AFF4: variants seen among roughly 807,000 people sequenced by gnomAD.
AFF4 encodes ALF transcription elongation factor 4, also known as AF4/FMR2 family member 4.
Under a neutral mutation model 124.8 loss-of-function variants are expected in AFF4, and 13 were observed. That is an observed-to-expected ratio of 0.10 (90% CI 0.07 to 0.17). AFF4 has a LOEUF of 0.17. Ranked by LOEUF, AFF4 falls within the 10% of genes least tolerant of loss-of-function variation. The pLI, the probability that AFF4 is intolerant of heterozygous loss-of-function variation, is 1.00. For missense variants in AFF4, 1,092 were observed against 1,403.8 expected, an observed-to-expected ratio of 0.78 and a Z score of 3.55; for synonymous variants, 477 against 496.1, an observed-to-expected ratio of 0.96 and a Z score of 0.51.
In AFF4 at chr5:132,963,438, T is replaced by TCCG; in HGVS notation, c.-185_-184insCGG. 2 of 397,878 alleles carry TCCG rather than the reference T, an allele frequency of 5.0e-6. No homozygotes were observed. Among genetic ancestry groups the TCCG allele is most frequent in the African/African-American group, 4.1e-5 (2 of 48,518 alleles). 24.6% of individuals were successfully genotyped at this position (397,878 alleles called of 1,614,324 possible). A position where few individuals can be genotyped will look rare whatever the true frequency, so the allele number is the denominator to read the frequency against. ...GAGGCCTCGACAAACGAAGGCGGCGTCGGCGGCGGCGGCAGCGATGCGCCT... is the reference window on the plus strand; with the variant it reads ...GAGGCCTCGACAAACGAAGGCGGCGTCCGCGGCGGCGGCGGCAGCGATGCGCCT... On this transcript the variant is annotated 5_prime_UTR_variant, in exon 1 of 21. Transcript: ENST00000265343.
At chr5:132,926,138 G>A (rs188835826) in intron 5 of AFF4, 29 of 343,620 alleles carry the variant, frequency 8.4e-5, no homozygotes, top group African/African-American at 1.5e-4. Flanking sequence ...ATATATTTGC[G>A]TAGAAATAAA....
At chr5:132,947,094 G>A (rs1243871800) in intron 1 of AFF4, among the ~76,000 whole-genome samples, 1 of 152,046 alleles carries the variant, frequency 6.6e-6, no homozygotes, top group Non-Finnish European at 1.5e-5. Context: ...ATGACTTTTT[G>A]CAAGTTTAAT....
chr5:132,896,793 T>C lies in AFF4; in HGVS notation c.1837A>G (p.Ile613Val), dbSNP rs1260249790. The C allele has an allele frequency of 1.2e-6, 2 of 1,614,184 alleles. No individual in the cohort carries two copies. Among genetic ancestry groups the C allele is most frequent in the Middle Eastern group, 1.6e-4 (1 of 6,062 alleles). ...GGGGAAGACTTAGACTCCTTCTTTA[T>C]ATTGGGTTTCCTTGAGCCTTTGGTG... ...AATKGSRKPN[I>V]KKESKSSPRP... Residue 613 changes from isoleucine to valine, a missense_variant, in exon 11 of 21, where the codon ATA (isoleucine) becomes GTA (valine). Around this residue, in one of 11 missense-constraint regions of AFF4, gnomAD observed 174 missense variants for 205.9 expected, o/e 0.84. Coordinates refer to ENST00000265343, the MANE Select transcript of AFF4 (RefSeq NM_014423.4).
At chr5:132,942,056 G>C (rs1761583004) in intron 1 of AFF4, among the ~76,000 whole-genome samples, 1 of 151,738 alleles carries the variant, frequency 6.6e-6, no homozygotes. Flanking sequence ...AATACCAGCT[G>C]GGTGTTCTCT....
At chr5:132,923,186 T>C (rs568509786) in intron 5 of AFF4, among the ~76,000 whole-genome samples, 5 of 150,646 alleles carry the variant, frequency 3.3e-5, no homozygotes, top group Non-Finnish European at 7.4e-5. Flanking sequence ...AAAAAAATAA[T>C]AATAATTTTT....
chr5:132,897,365 T>G, intron 10 of AFF4, 125 bp from the exon 11 acceptor site: 1 of 1,006,134 alleles, frequency 9.9e-7, no homozygotes, highest in Non-Finnish European at 1.5e-6. Context: ...AATGGTTCTC[T>G]ATGAACCAAA....
chr5:132,928,225 A>C (rs945069378), intron 4 of AFF4, among the ~76,000 whole-genome samples: 10 of 152,088 alleles, frequency 6.6e-5, no homozygotes, highest in South Asian at 4.1e-4. Flanking sequence ...TTAAAAAAAA[A>C]CAAAAAAACA....
At position 132,884,448 on chromosome 5, in the gene AFF4, G is replaced by T. The variant is rs1394271735; in HGVS notation, c.3143+628C>A. Among the ~76,000 whole-genome samples, 3 of 152,064 alleles carry T rather than the reference G, an allele frequency of 2.0e-5. No homozygotes were observed. The East Asian group carries it at 5.8e-4, about 29-fold the overall frequency. On this transcript the variant is annotated intron_variant, in intron 19 of 20. Transcript: ENST00000265343. ...GCACAGATGGGGTTTCACCATGTTG[G>T]CCAGGCTGGTCTTGAACTCCTGACC...
At chr5:132,943,266 A>G in intron 1 of AFF4, 1 of 185,548 alleles carries the variant, frequency 5.4e-6, no homozygotes, top group Non-Finnish European at 1.2e-5. Flanking sequence ...ATACAAGGAA[A>G]TGGTTAAGGA....
intron 1 of AFF4, among the ~76,000 whole-genome samples, chr5:132,955,984 TATAA>T (rs1468243433): frequency 5.4e-5 from 8 of 148,870 alleles, no homozygotes; most frequent in Middle Eastern, 7.1e-3. Context: ...ATGTGTAATA[TATAA>T]ATATATAATA....
chr5:132,911,628 A>G (rs1760792328), intron 5 of AFF4, among the ~76,000 whole-genome samples: 3 of 151,908 alleles, frequency 2.0e-5, no homozygotes, highest in South Asian at 4.1e-4. Context: ...CCTAATATAC[A>G]TGTAATTGGA....
intron 1 of AFF4, among the ~76,000 whole-genome samples, chr5:132,962,804 C>CT (rs35471619): frequency 0.028 from 3,589 of 129,650 alleles, 61 homozygotes; most frequent in Non-Finnish European, 0.03. Flanking sequence ...ATTTTTCCTT[C>CT]TTTTTTTTTT....
intron 20 of AFF4, 81 bp downstream of exon 20, chr5:132,883,259 G>T: frequency 7.7e-7 from 1 of 1,291,552 alleles, no homozygotes; most frequent in Non-Finnish European, 1.1e-6. Context: ...ACTAAATACA[G>T]ACTAAACGCT....
At chr5:132,889,283 C>G (rs1281265260) in intron 13 of AFF4, 110 bp from the exon 14 acceptor site, 1 of 670,794 alleles carries the variant, frequency 1.5e-6, no homozygotes. Flanking sequence ...CATTGCCTTT[C>G]ATAATGAATT....
At chr5:132,900,285 G>A (rs1454428813) in intron 7 of AFF4, among the ~76,000 whole-genome samples, 2 of 152,180 alleles carry the variant, frequency 1.3e-5, no homozygotes, top group Non-Finnish European at 1.5e-5. Context: ...GGCTGGGTGC[G>A]GTGGCTCATG....
At chr5:132,956,523 C>A (rs141144862) in intron 1 of AFF4, among the ~76,000 whole-genome samples, 1 of 150,730 alleles carries the variant, frequency 6.6e-6, no homozygotes, top group Non-Finnish European at 1.5e-5. Context: ...CCCAGCTACT[C>A]GGGAGGCTGA....
chr5:132,948,927 T>G (rs894099803), intron 1 of AFF4, among the ~76,000 whole-genome samples: 1 of 152,160 alleles, frequency 6.6e-6, no homozygotes, highest in Admixed American at 6.6e-5. Context: ...ATGAATTATG[T>G]GTGTACTTAA....
At chr5:132,962,269 T>G (rs765332351) in intron 1 of AFF4, among the ~76,000 whole-genome samples, 1 of 152,250 alleles carries the variant, frequency 6.6e-6, no homozygotes, top group Non-Finnish European at 1.5e-5. Flanking sequence ...CATTTTATGT[T>G]ACATTTACAG....
Position 132,937,101 on chromosome 5 carries a change from G to A in AFF4, c.89C>T (p.Pro30Leu), listed in dbSNP as rs745359210. The A allele has an allele frequency of 1.2e-6, 2 of 1,613,784 alleles. No homozygotes were observed. Among genetic ancestry groups the A allele is most frequent in the South Asian group, 1.1e-5 (1 of 91,050 alleles). Reference sequence around the variant, plus strand: ...TGGCTCTGCAAAGAGAGGAGAGCTAGGTGGGAAGGCGTCTTCGCCCTGCTG... The same window carrying A: ...TGGCTCTGCAAAGAGAGGAGAGCTAAGTGGGAAGGCGTCTTCGCCCTGCTG... ...EIQQGEDAFP[P>L]SSPLFAEPYK... Residue 30 changes from proline (P) to leucine (L), a missense_variant, in exon 2 of 21, where the codon CCT (proline) becomes CTT (leucine). Coordinates refer to ENST00000265343, the MANE Select transcript of AFF4 (RefSeq NM_014423.4).
Sources: allele counts gnomAD v4.1 joint callset (sites outside exome capture counted in the v4.1 genomes callset), GRCh38; gene constraint gnomAD v4.1.1; regional missense constraint gnomAD v4.1.1; transcripts MANE v1.5; gene names NCBI Gene and HGNC (gene_info 2026-07-23, HGNC 2026-07-21).